The following CDK14 variants were observed in gnomAD, a reference collection of about 807,000 sequenced individuals.
CDK14 encodes the protein cyclin dependent kinase 14.
CDK14 carries 34 observed loss-of-function variants against 60.7 expected under a neutral mutation model. The ratio of observed to expected loss-of-function variants is 0.56; its 90% CI spans 0.43 to 0.75. The LOEUF (loss-of-function observed/expected upper bound fraction) is 0.75, where lower values mean the gene tolerates loss of function less well. Ranked by LOEUF, CDK14 falls within the 30% of genes least tolerant of loss-of-function variation. The pLI is 0.00. For missense variants in CDK14, 482 were observed against 564.1 expected (o/e 0.85, Z 1.47); for synonymous variants, 197 against 203.7 (o/e 0.97, Z 0.28).
chr7:90,811,417 C>T (rs377636083), intron 5 of CDK14, among the ~76,000 whole-genome samples: 14 of 152,074 alleles, frequency 9.2e-5, no homozygotes, highest in South Asian at 2.1e-4. Flanking sequence ...TAGCCATATG[C>T]AGAAAGCTGA....
chr7:90,912,188 G>A (rs188418699), intron 7 of CDK14, among the ~76,000 whole-genome samples: 52 of 151,232 alleles, frequency 3.4e-4, no homozygotes, highest in Non-Finnish European at 6.2e-4. Flanking sequence ...AGATCTTATG[G>A]CTACTATAGT....
At chr7:90,843,056 T>A (rs1221913025) in intron 5 of CDK14, among the ~76,000 whole-genome samples, 1 of 152,226 alleles carries the variant, frequency 6.6e-6, no homozygotes, top group Admixed American at 6.5e-5. Context: ...GTTAATTATT[T>A]ACCTTGCTTG....
intron 9 of CDK14, chr7:90,979,535 G>A (rs1243522422): frequency 2.0e-5 from 3 of 152,156 alleles, no homozygotes; most frequent in Admixed American, 1.3e-4. Context: ...TAATTACTGT[G>A]TTTATACCAT....
chr7:91,153,423 A>G (rs1431953486), intron 14 of CDK14, among the ~76,000 whole-genome samples: 1 of 152,188 alleles, frequency 6.6e-6, no homozygotes, highest in Non-Finnish European at 1.5e-5. Context: ...ACAAAGACAC[A>G]TGCACACATA....
At chr7:90,779,958 T>C (rs950356755) in intron 4 of CDK14, among the ~76,000 whole-genome samples, 1 of 152,188 alleles carries the variant, frequency 6.6e-6, no homozygotes, top group Non-Finnish European at 1.5e-5. Context: ...CTACCATGCC[T>C]TTTTTCCCCT....
At chr7:90,923,458 C>T (rs776604739) in intron 8 of CDK14, among the ~76,000 whole-genome samples, 1 of 152,086 alleles carries the variant, frequency 6.6e-6, no homozygotes, top group Non-Finnish European at 1.5e-5. Context: ...TAAATGGGAA[C>T]AAGAAGGATG....
chr7:90,899,538 A>G (rs1256001345), intron 7 of CDK14, among the ~76,000 whole-genome samples, 185 bp downstream of exon 7: 3 of 152,064 alleles, frequency 2.0e-5, no homozygotes, highest in Non-Finnish European at 2.9e-5. Context: ...AACATTAAAT[A>G]TTTTTACTGG....
chr7:90,976,318 T>C (rs1795070597), intron 9 of CDK14, among the ~76,000 whole-genome samples: 1 of 152,168 alleles, frequency 6.6e-6, no homozygotes, highest in Non-Finnish European at 1.5e-5. Flanking sequence ...TTGTGTGTCT[T>C]CTTTTGGAAA....
intron 7 of CDK14, among the ~76,000 whole-genome samples, chr7:90,907,694 T>C (rs1413430214): frequency 6.6e-6 from 1 of 152,144 alleles, no homozygotes; most frequent in East Asian, 1.9e-4. Context: ...CGCAATCCTA[T>C]TGGCATAAAG....
intron 11 of CDK14, among the ~76,000 whole-genome samples, chr7:91,053,017 G>A (rs766355437): frequency 2.0e-5 from 3 of 151,834 alleles, no homozygotes; most frequent in Non-Finnish European, 2.9e-5. Context: ...AAAAAAAGCC[G>A]TCTCTTTAAG....
rs148234440 is a variant in CDK14, at chr7:91,148,090, G to T, written c.*28+29882G>T. 2.6e-5 allele frequency among the ~76,000 whole-genome samples: 4 copies of T among 152,300 alleles called. No individual in the cohort carries two copies. In the East Asian group the frequency reaches 7.7e-4, roughly 29 times the overall value. ...AAAAATGGATTTTTAAAGGGAATTTGCAGGCCAGGTGTGGTGATTCACGCC... is the reference window on the plus strand; with the variant it reads ...AAAAATGGATTTTTAAAGGGAATTTTCAGGCCAGGTGTGGTGATTCACGCC... On this transcript the variant is annotated intron_variant, in intron 14 of 14. Coordinates refer to ENST00000380050, the MANE Select transcript of CDK14 (RefSeq NM_001287135.2).
intron 12 of CDK14, among the ~76,000 whole-genome samples, chr7:91,087,408 T>C (rs1312459496): frequency 6.6e-6 from 1 of 152,126 alleles, no homozygotes; most frequent in Non-Finnish European, 1.5e-5. Context: ...CAAATAGCAA[T>C]TAAATGCTTG....
chr7:90,654,371 A>G (rs947208281), intron 2 of CDK14, among the ~76,000 whole-genome samples: 15 of 152,228 alleles, frequency 9.9e-5, no homozygotes, highest in Non-Finnish European at 1.9e-4. Flanking sequence ...TGCAGACAAC[A>G]ATTCACAAAT....
At chr7:90,672,456 A>C (rs115312057) in intron 2 of CDK14, among the ~76,000 whole-genome samples, 2,254 of 126,576 alleles carry the variant, frequency 0.018, 80 homozygotes, top group African/African-American at 0.061. Flanking sequence ...TTAGCATAAT[A>C]TTTACAAAGT....
chr7:91,069,744 A>G (rs769224920), intron 11 of CDK14, among the ~76,000 whole-genome samples: 1 of 152,196 alleles, frequency 6.6e-6, no homozygotes, highest in Non-Finnish European at 1.5e-5. Context: ...TCAGGTTAAT[A>G]TATATTTTAA....
intron 14 of CDK14, among the ~76,000 whole-genome samples, chr7:91,142,202 G>A (rs1800486885): frequency 6.6e-6 from 1 of 152,040 alleles, no homozygotes; most frequent in South Asian, 2.1e-4. Context: ...ATTTTTTTCT[G>A]CATCTCATTT....
chr7:90,613,653 C>T (rs995761718), intron 2 of CDK14, among the ~76,000 whole-genome samples: 4 of 151,954 alleles, frequency 2.6e-5, no homozygotes, highest in African/African-American at 9.7e-5. Context: ...TGCCACTGCA[C>T]ACCAGCCTGG....
intron 14 of CDK14, among the ~76,000 whole-genome samples, chr7:91,174,747 A>G (rs1406038908): frequency 1.8e-5 from 2 of 113,600 alleles, no homozygotes; most frequent in Non-Finnish European, 3.6e-5. Flanking sequence ...TGAGAAGGGA[A>G]GTTTAGAGAA....
chr7:91,128,372 T>A (rs972909626), intron 14 of CDK14, among the ~76,000 whole-genome samples: 6 of 152,206 alleles, frequency 3.9e-5, no homozygotes, highest in African/African-American at 9.6e-5. Flanking sequence ...GCATTAGTTC[T>A]GTCAAATATA....
Sources: allele counts gnomAD v4.1 joint callset (sites outside exome capture counted in the v4.1 genomes callset), GRCh38; gene constraint gnomAD v4.1.1; transcripts MANE v1.5; gene names NCBI Gene and HGNC (gene_info 2026-07-23, HGNC 2026-07-21).